ROBO1: variants seen among roughly 807,000 people sequenced by gnomAD.
ROBO1 encodes the protein roundabout homolog 1.
ROBO1 carries 149 observed loss-of-function variants against 195.9 expected under a neutral mutation model. The ratio of observed to expected loss-of-function variants is 0.76; its 90% CI spans 0.67 to 0.87. ROBO1 has a LOEUF of 0.87. Among genes scored for constraint, ROBO1 ranks in the 40% least tolerant of loss-of-function variants. ROBO1 has a pLI of 0.00. For missense variants in ROBO1, 1,933 were observed against 2,068.3 expected (o/e 0.93, Z 1.27); for synonymous variants, 816 against 733.2 (o/e 1.11, Z -1.82).
intron 1 of ROBO1, among the ~76,000 whole-genome samples, chr3:79,611,121 G>C (rs902168739): frequency 6.6e-6 from 1 of 151,992 alleles, no homozygotes; most frequent in African/African-American, 2.4e-5. Flanking sequence ...GGATGTAGAG[G>C]GGCTAAGTTG....
At chr3:78,921,697 G>A (rs1170797166) in intron 4 of ROBO1, among the ~76,000 whole-genome samples, 1 of 151,802 alleles carries the variant, frequency 6.6e-6, no homozygotes, top group Non-Finnish European at 1.5e-5. Context: ...TTTTAAACAG[G>A]GAACAAAATC....
At chr3:79,236,131 C>A (rs2082402877) in intron 2 of ROBO1, among the ~76,000 whole-genome samples, 1 of 152,040 alleles carries the variant, frequency 6.6e-6, no homozygotes, top group African/African-American at 2.4e-5. Flanking sequence ...TCCTTTCTAG[C>A]AGCAATATGA....
At chr3:79,073,099 C>A (rs2079115328) in intron 3 of ROBO1, among the ~76,000 whole-genome samples, 1 of 151,868 alleles carries the variant, frequency 6.6e-6, no homozygotes, top group South Asian at 2.1e-4. Flanking sequence ...AGGCATGGAG[C>A]CAATTGCACA....
At chr3:79,103,005 G>A (rs1427918199) in intron 3 of ROBO1, among the ~76,000 whole-genome samples, 1 of 151,690 alleles carries the variant, frequency 6.6e-6, no homozygotes, top group Admixed American at 6.6e-5. Flanking sequence ...GGAAACAATC[G>A]AAGAGTTCGT....
chr3:79,225,641 A>G (rs1254201151), intron 2 of ROBO1, among the ~76,000 whole-genome samples: 1 of 152,154 alleles, frequency 6.6e-6, no homozygotes. Flanking sequence ...GGGGCTGGCT[A>G]ATGGGTTGGT....
intron 10 of ROBO1, among the ~76,000 whole-genome samples, chr3:78,673,506 A>G (rs1708187882): frequency 7.1e-6 from 1 of 140,932 alleles, no homozygotes; most frequent in African/African-American, 2.6e-5. Context: ...TAAAATATAT[A>G]AAATAATATA....
chr3:79,434,693 C>A (rs1314768808), intron 2 of ROBO1, among the ~76,000 whole-genome samples: 2 of 152,106 alleles, frequency 1.3e-5, no homozygotes, highest in African/African-American at 2.4e-5. Context: ...TACCATTTGA[C>A]CCAGCCATCC....
intron 4 of ROBO1, among the ~76,000 whole-genome samples, chr3:78,929,267 T>G (rs1484486423): frequency 6.6e-6 from 1 of 152,148 alleles, no homozygotes; most frequent in Admixed American, 6.6e-5. Flanking sequence ...TCAGATATAC[T>G]GAATTAAAAA....
intron 2 of ROBO1, among the ~76,000 whole-genome samples, chr3:79,300,088 C>T (rs1301743610): frequency 6.6e-6 from 1 of 152,234 alleles, no homozygotes; most frequent in East Asian, 1.9e-4. Context: ...TCGCTCTGGG[C>T]ATCTCCTCTG....
At chr3:79,145,163 G>A (rs2080619916) in intron 2 of ROBO1, among the ~76,000 whole-genome samples, 1 of 151,790 alleles carries the variant, frequency 6.6e-6, no homozygotes, top group Admixed American at 6.6e-5. Flanking sequence ...ATAAATTGAG[G>A]AAATATATAG....
intron 2 of ROBO1, among the ~76,000 whole-genome samples, chr3:79,517,505 T>A (rs1437626942): frequency 6.6e-6 from 1 of 152,172 alleles, no homozygotes; most frequent in East Asian, 1.9e-4. Context: ...TCCTAGGATT[T>A]ATTCTTGATT....
At chr3:79,339,161 T>C (rs2034805833) in intron 2 of ROBO1, among the ~76,000 whole-genome samples, 1 of 152,198 alleles carries the variant, frequency 6.6e-6, no homozygotes, top group Non-Finnish European at 1.5e-5. Context: ...CATTGGTTCA[T>C]TGTAATAGTC....
intron 2 of ROBO1, among the ~76,000 whole-genome samples, chr3:79,413,490 T>C (rs2037866897): frequency 6.6e-6 from 1 of 152,056 alleles, no homozygotes; most frequent in Non-Finnish European, 1.5e-5. Context: ...GAGAAAGCTC[T>C]GTGAATGGTG....
chr3:79,543,249 G>A (rs1360222590), intron 2 of ROBO1, among the ~76,000 whole-genome samples: 1 of 151,976 alleles, frequency 6.6e-6, no homozygotes, highest in Non-Finnish European at 1.5e-5. Flanking sequence ...TAATAGCTAA[G>A]CAATTGTAAA....
chr3:78,864,358 T>C (rs761575665), intron 4 of ROBO1, among the ~76,000 whole-genome samples: 40 of 152,178 alleles, frequency 2.6e-4, no homozygotes, highest in Non-Finnish European at 5.4e-4. Context: ...AATTTCTATA[T>C]AAATTGATAT....
chr3:79,327,808 C>CA (rs1181578752), intron 2 of ROBO1, among the ~76,000 whole-genome samples: 1 of 151,994 alleles, frequency 6.6e-6, no homozygotes, highest in Non-Finnish European at 1.5e-5. Flanking sequence ...ATATGACAGC[C>CA]AAAAACCAAC....
At chr3:79,407,177 C>T (rs1575782843) in intron 2 of ROBO1, among the ~76,000 whole-genome samples, 1 of 152,134 alleles carries the variant, frequency 6.6e-6, no homozygotes, top group Non-Finnish European at 1.5e-5. Context: ...ATCCACCCAC[C>T]TTGGCCTCCC....
intron 4 of ROBO1, among the ~76,000 whole-genome samples, chr3:78,770,388 C>A (rs975940776): frequency 1.3e-5 from 2 of 152,140 alleles, no homozygotes; most frequent in African/African-American, 4.8e-5. Flanking sequence ...TGATGTGGAG[C>A]ATTTTTCATA....
intron 2 of ROBO1, among the ~76,000 whole-genome samples, chr3:79,283,986 C>A (rs561806566): frequency 2.6e-5 from 4 of 151,956 alleles, no homozygotes; most frequent in Admixed American, 6.6e-5. Context: ...CGTGAGCCAC[C>A]GCGCCCGGCC....
Sources: allele counts gnomAD v4.1 joint callset (sites outside exome capture counted in the v4.1 genomes callset), GRCh38; gene constraint gnomAD v4.1.1; transcripts MANE v1.5; gene names NCBI Gene and HGNC (gene_info 2026-07-23, HGNC 2026-07-21).